PDZRN4: variants seen among roughly 807,000 people sequenced by gnomAD.
PDZRN4 encodes the protein PDZ domain-containing RING finger protein 4.
PDZRN4 carries 70 observed loss-of-function variants against 99.0 expected under a neutral mutation model. That is an observed-to-expected ratio of 0.71 (90% confidence interval 0.58 to 0.86). The LOEUF (loss-of-function observed/expected upper bound fraction) is 0.86. PDZRN4 is among the 40% of genes least tolerant of loss of function. The probability of loss-of-function intolerance (pLI) is 0.00; values close to 1 mark genes in which losing one functional copy is unlikely to be tolerated. For synonymous variants in PDZRN4, 551 were observed against 501.6 expected, an observed-to-expected ratio of 1.10 and a Z score of -1.32; for missense variants, 1,474 against 1,331.2, an observed-to-expected ratio of 1.11 and a Z score of -1.67.
At chr12:41,405,937 C>T (rs1952345026) in intron 3 of PDZRN4, among the ~76,000 whole-genome samples, 1 of 147,578 alleles carries the variant, frequency 6.8e-6, no homozygotes, top group African/African-American at 2.5e-5. Context: ...ATAGACACTG[C>T]AGAATACTAC....
At position 41,385,634 on chromosome 12, in the gene PDZRN4, C is replaced by T. The variant is rs376440714; in HGVS notation, c.844-120822C>T. On this transcript the variant is annotated intron_variant, in intron 3 of 9. Transcript: ENST00000402685. ...AGACTGAACAAGGAAGAAACTGAAT[C>T]GCTGAAGAGAGCAACAATGAGCTCT... Among the ~76,000 whole-genome samples the T allele has an allele frequency of 1.8e-4, 28 of 152,178 alleles. No individual in the cohort carries two copies. The South Asian group carries it at 3.1e-3, about 17-fold the overall frequency.
intron 3 of PDZRN4, among the ~76,000 whole-genome samples, chr12:41,270,311 G>GGT (rs376382425): frequency 0.077 from 11,110 of 144,970 alleles, 567 homozygotes; most frequent in African/African-American, 0.14. Context: ...CTGTGTGTGT[G>GGT]GTGTGTGTGT....
At position 41,572,716 on chromosome 12, in the gene PDZRN4, A is replaced by G. The variant is rs932242780; in HGVS notation, c.1937A>G (p.Tyr646Cys). 4 of 1,614,020 alleles carry G rather than the reference A, an allele frequency of 2.5e-6. No homozygotes were observed. Among genetic ancestry groups the G allele is most frequent in the Admixed American group, 1.7e-5 (1 of 60,004 alleles). The change falls in exon 10 of 10, where the codon TAT (tyrosine) becomes TGT (cysteine). Residue 646 changes from tyrosine to cysteine, a missense_variant. By Grantham distance (194) the Tyr-to-Cys change is radical. Transcript: ENST00000402685. Reference protein sequence around the residue: ...KIRNHGEYDLYYSSSTIECNQ... With the variant: ...KIRNHGEYDLCYSSSTIECNQ... The stretch of plus-strand genomic sequence containing the variant: ...CGAAATCATGGAGAGTATGACCTGT[A>G]TTACTCAAGCAGCACAATTGAATGC...
intron 3 of PDZRN4, among the ~76,000 whole-genome samples, chr12:41,441,632 C>A (rs1189287285): frequency 6.6e-6 from 1 of 152,180 alleles, no homozygotes; most frequent in Non-Finnish European, 1.5e-5. Flanking sequence ...CTCCTCTATT[C>A]TAGAATGTTT....
chr12:41,318,511 A>T (rs1951653635), intron 3 of PDZRN4, among the ~76,000 whole-genome samples: 3 of 152,232 alleles, frequency 2.0e-5, no homozygotes, highest in Admixed American at 2.0e-4. Context: ...TGTCTCACTG[A>T]GCTTCTGCAT....
chr12:41,222,905 G>GT (rs1950967731), intron 3 of PDZRN4, among the ~76,000 whole-genome samples: 1 of 152,172 alleles, frequency 6.6e-6, no homozygotes, highest in African/African-American at 2.4e-5. Flanking sequence ...AGAACCCACA[G>GT]TATCTATGGT....
intron 3 of PDZRN4, among the ~76,000 whole-genome samples, chr12:41,488,683 GA>G (rs776671496): frequency 5.3e-5 from 8 of 151,702 alleles, no homozygotes; most frequent in African/African-American, 9.7e-5. Flanking sequence ...GGGCTGGAGG[GA>G]AAAAAAATGA....
At chr12:41,504,454 G>A (rs1565600602) in intron 3 of PDZRN4, among the ~76,000 whole-genome samples, 1 of 152,072 alleles carries the variant, frequency 6.6e-6, no homozygotes, top group Non-Finnish European at 1.5e-5. Context: ...AATTCTCACA[G>A]AGCAGTCTTA....
At chr12:41,197,271 AATAAT>A (rs1242397260) in intron 3 of PDZRN4, among the ~76,000 whole-genome samples, 1 of 152,078 alleles carries the variant, frequency 6.6e-6, no homozygotes, top group Admixed American at 6.6e-5. Context: ...AACTCTAATA[AATAAT>A]ATATTAGTTA....
chr12:41,225,734 C>T (rs1326160023), intron 3 of PDZRN4, among the ~76,000 whole-genome samples: 1 of 152,084 alleles, frequency 6.6e-6, no homozygotes, highest in Non-Finnish European at 1.5e-5. Flanking sequence ...AGTCAGTAAC[C>T]AATACAAGCC....
rs754074314 is a variant in PDZRN4, at chr12:41,572,873, C to T, written c.2094C>T (p.Asp698=). 5.0e-6 allele frequency: 8 copies of T among 1,614,096 alleles called. No individual in the cohort carries two copies. The highest frequency in any genetic ancestry group is 6.8e-6 in the Non-Finnish European group (8 of 1,180,006). The change falls in exon 10 of 10, where the codon GAC becomes GAT. Residue 698 remains aspartate, a synonymous_variant. Coordinates refer to ENST00000402685, the MANE Select transcript of PDZRN4 (RefSeq NM_001164595.2). ...RLQKVTDQYG[D]IWTLHDGGFR... ...AGAAAGTGACAGACCAGTATGGAGA[C>T]ATCTGGACATTGCATGATGGAGGAT...
chr12:41,509,745 A>G (rs1938274301), intron 4 of PDZRN4, 66 bp from the exon 5 acceptor site: 5 of 740,226 alleles, frequency 6.8e-6, no homozygotes, highest in Non-Finnish European at 1.1e-5. Flanking sequence ...GAAATTCTAA[A>G]ATCAGTTTTA....
intron 3 of PDZRN4, among the ~76,000 whole-genome samples, chr12:41,207,942 T>C (rs994571629): frequency 7.7e-6 from 1 of 129,728 alleles, no homozygotes; most frequent in Non-Finnish European, 1.8e-5. Context: ...ATTAGCCATG[T>C]TTACAGTTTA....
intron 3 of PDZRN4, among the ~76,000 whole-genome samples, chr12:41,267,958 C>T (rs1294016290): frequency 2.0e-5 from 3 of 152,192 alleles, no homozygotes; most frequent in Non-Finnish European, 4.4e-5. Context: ...ACTAAGGCTG[C>T]CATTGCTTCC....
intron 3 of PDZRN4, among the ~76,000 whole-genome samples, chr12:41,391,809 T>C (rs1291187049): frequency 2.0e-5 from 3 of 152,152 alleles, no homozygotes; most frequent in Admixed American, 2.0e-4. Context: ...AAGCTGACTT[T>C]AGCGAAGAAG....
At chr12:41,255,479 G>C (rs1036514140) in intron 3 of PDZRN4, among the ~76,000 whole-genome samples, 2 of 151,966 alleles carry the variant, frequency 1.3e-5, no homozygotes, top group Non-Finnish European at 2.9e-5. Flanking sequence ...TAATTGGAGA[G>C]TTTTAAGTAG....
At chr12:41,252,665 GGGAGGT>G (rs1242725342) in intron 3 of PDZRN4, among the ~76,000 whole-genome samples, 2 of 151,920 alleles carry the variant, frequency 1.3e-5, no homozygotes, top group African/African-American at 4.8e-5. Flanking sequence ...GCTTGAACCC[GGGAGGT>G]GGAGGTTGCA....
rs139382637 is a variant in PDZRN4, at chr12:41,219,557, C to G, written c.843+25369C>G. 1.8e-4 allele frequency among the ~76,000 whole-genome samples: 27 copies of G among 151,962 alleles called. No homozygotes were observed. The East Asian group carries it at 5.2e-3, about 29-fold the overall frequency. On this transcript the variant is annotated intron_variant, in intron 3 of 9. Transcript: ENST00000402685. ...CAGCCTTGGTAATGTTCTTAATAAT[C>G]TGAATTTTAAACAGCACAAATACTT... is the stretch of plus-strand genomic sequence containing the variant.
intron 5 of PDZRN4, among the ~76,000 whole-genome samples, 153 bp downstream of exon 5, chr12:41,510,066 T>C (rs1466389896): frequency 6.6e-6 from 1 of 152,168 alleles, no homozygotes; most frequent in Non-Finnish European, 1.5e-5. Context: ...TTTAGCTATG[T>C]GGCTCTCGTG....
Sources: allele counts gnomAD v4.1 joint callset (sites outside exome capture counted in the v4.1 genomes callset), GRCh38; gene constraint gnomAD v4.1.1; transcripts MANE v1.5; gene names NCBI Gene and HGNC (gene_info 2026-07-23, HGNC 2026-07-21).